FBRS: variants seen among roughly 807,000 people sequenced by gnomAD.
FBRS encodes fibrosin, also known as probable fibrosin-1.
Under a neutral mutation model 86.1 loss-of-function variants are expected in FBRS, and 15 were observed. The observed-to-expected ratio is 0.17, with a 90% CI of 0.12 to 0.27. The LOEUF is 0.27. Ranked by LOEUF, FBRS falls within the 10% of genes least tolerant of loss-of-function variation. The pLI, the probability that FBRS is intolerant of heterozygous loss-of-function variation, is 1.00. For synonymous variants in FBRS, 666 were observed against 575.8 expected, an observed-to-expected ratio of 1.16 and a Z score of -2.24; for missense variants, 1,367 against 1,301.6, an observed-to-expected ratio of 1.05 and a Z score of -0.77.
chr16:30,667,586 G>A lies in FBRS; in HGVS notation c.2038G>A (p.Ala680Thr), dbSNP rs2052538832. 3.9e-6 allele frequency: 6 copies of A among 1,542,042 alleles called. No individual in the cohort carries two copies. Among genetic ancestry groups the A allele is most frequent in the Non-Finnish European group, 4.4e-6 (5 of 1,142,494 alleles). ...CAACCCTTTCACGGCAGCTCCCGGGGCCCACGGACCCTTCCTGAGCCCCAG... is the reference window on the plus strand; with the variant it reads ...CAACCCTTTCACGGCAGCTCCCGGGACCCACGGACCCTTCCTGAGCCCCAG... ...AANPFTAAPG[A>T]HGPFLSPSTH... is the part of the protein sequence containing the mutation. The change falls in exon 15 of 18, where the codon GCC (alanine) becomes ACC (threonine). Residue 680 changes from alanine to threonine, a missense_variant. Physicochemically the swap from Ala to Thr is moderately conservative, Grantham distance 58. This residue lies in a region of FBRS where 659 missense variants were observed against 678.8 expected (regional missense o/e 0.97). Transcript: ENST00000356166.
chr16:30,660,692 A>G, intron 2 of FBRS: 1 of 570,544 alleles, frequency 1.8e-6, no homozygotes, highest in Non-Finnish European at 2.7e-6. Context: ...AAAGGAATAT[A>G]GTTGGGTCGT....
intron 6 of FBRS, among the ~76,000 whole-genome samples, chr16:30,663,510 C>T (rs1296226482): frequency 6.9e-6 from 1 of 145,908 alleles, no homozygotes; most frequent in Admixed American, 6.8e-5. Context: ...TAGGGGGAGG[C>T]TAAGTTAAAA....
At chr16:30,667,826 G>A in intron 15 of FBRS, 1 of 471,164 alleles carries the variant, frequency 2.1e-6, no homozygotes, top group South Asian at 4.6e-5. Context: ...TTCAGTCTCT[G>A]CCAGCTGGAG....
chr16:30,665,397 C>T lies in FBRS; in HGVS notation c.1700C>T (p.Pro567Leu). ...SFGSLQGAFQ[P>L]KSTNPELPPR... ...GGCTCCCTGCAGGGGGCCTTCCAGC[C>T]CAAGGTGAGCTCCCAATCCAGACAC... The change falls in exon 10 of 18, where the codon CCC (proline) becomes CTC (leucine). Residue 567 changes from proline (P) to leucine (L), a missense_variant. Pro to Leu is a moderately conservative substitution (Grantham distance 98). Around this residue, in one of 3 missense-constraint regions of FBRS, gnomAD observed 659 missense variants for 678.8 expected, o/e 0.97. Coordinates refer to ENST00000356166, the MANE Select transcript of FBRS (RefSeq NM_001105079.3). This position sits in a 1 kb window ranked among gnomAD's most constrained non-coding sequence, Gnocchi z 4.1. The T allele has an allele frequency of 3.8e-6, 6 of 1,567,766 alleles. No homozygotes were observed. The highest frequency in any genetic ancestry group is 5.2e-6 in the Non-Finnish European group (6 of 1,156,702).
At chr16:30,661,099 T>G (rs2052454625) in intron 2 of FBRS, 81 bp from the exon 3 acceptor site, 1 of 1,546,544 alleles carries the variant, frequency 6.5e-7, no homozygotes, top group African/African-American at 1.4e-5. Flanking sequence ...TGGAGGCCCA[T>G]GAGCGCCCTG....
chr16:30,669,249 C>G lies in FBRS; in HGVS notation c.2547C>G (p.Ala849=). Reference sequence around the variant, plus strand: ...CCGCCGCTGCCGCCGCCGCAGCAGCCACTGGGCCCCAGGGCCTTCACCTGC... The same window carrying G: ...CCGCCGCTGCCGCCGCCGCAGCAGCGACTGGGCCCCAGGGCCTTCACCTGC... ...AAAAAAAAAA[A]TGPQGLHLLF... The change falls in exon 18 of 18, where the codon GCC becomes GCG. Residue 849 remains alanine (A), a synonymous_variant. Coordinates refer to ENST00000356166, the MANE Select transcript of FBRS (RefSeq NM_001105079.3). The surrounding 1 kb of genome is among the most constrained non-coding windows in gnomAD (Gnocchi z 5.9). 1.3e-6 allele frequency: 2 copies of G among 1,556,204 alleles called. No homozygotes were observed. Among genetic ancestry groups the G allele is most frequent in the South Asian group, 2.3e-5 (2 of 85,878 alleles).
At chr16:30,668,665 T>TGGGGGGGGGGGGGGGG (rs768353447) in intron 16 of FBRS, 22 bp downstream of exon 16, 2 of 1,457,366 alleles carry the variant, frequency 1.4e-6, no homozygotes, top group African/African-American at 1.4e-5. Flanking sequence ...TGCGGTGGGG[T>TGGGGGGGGGGGGGGGG]GGGGGGGCTG....
At chr16:30,663,662 C>T (rs903323802) in intron 6 of FBRS, among the ~76,000 whole-genome samples, 5 of 152,214 alleles carry the variant, frequency 3.3e-5, no homozygotes, top group Non-Finnish European at 7.3e-5. Flanking sequence ...ACTTGGCCTA[C>T]AGCAGGTGCT....
intron 6 of FBRS, chr16:30,663,071 G>A (rs1029670142): frequency 2.1e-6 from 2 of 948,844 alleles, no homozygotes; most frequent in East Asian, 3.3e-5. Context: ...TTTCCCAGTT[G>A]TGTTTGCTGG....
chr16:30,663,316 T>C (rs1050662580), intron 6 of FBRS, among the ~76,000 whole-genome samples: 46 of 152,144 alleles, frequency 3.0e-4, no homozygotes, highest in African/African-American at 1.0e-3. Flanking sequence ...CTTAAAGCTG[T>C]TGTGAGGATT....
intron 13 of FBRS, 94 bp from the exon 14 acceptor site, chr16:30,667,226 C>T: frequency 8.9e-7 from 1 of 1,123,506 alleles, no homozygotes; most frequent in Non-Finnish European, 1.3e-6. Context: ...ATCTGGGTGC[C>T]AGCCAGCCTT....
rs544182720 is a variant in FBRS, at chr16:30,664,914, C to T, written c.1557C>T (p.Pro519=). 5.0e-6 allele frequency: 8 copies of T among 1,610,790 alleles called. No homozygotes were observed. The Admixed American group carries it at 8.4e-5, about 17-fold the overall frequency. The part of the protein sequence containing the change: ...YPPGLLPPHG[P]HMFEKYPGKM... ...CGGGCCTGCTGCCACCCCACGGCCCCCACATGGTGAGCTCCTCATTGGGCT... is the reference window on the plus strand; with the variant it reads ...CGGGCCTGCTGCCACCCCACGGCCCTCACATGGTGAGCTCCTCATTGGGCT... Residue 519 remains proline, a synonymous_variant, in exon 8 of 18, where the codon CCC becomes CCT. Coordinates refer to ENST00000356166, the MANE Select transcript of FBRS (RefSeq NM_001105079.3).
In FBRS at chr16:30,669,193, G is replaced by A; in HGVS notation, c.2491G>A (p.Ala831Thr). The change falls in exon 18 of 18, where the codon GCT becomes ACT. Residue 831 changes from alanine to threonine, a missense_variant. By Grantham distance (58) the Ala-to-Thr change is moderately conservative. Around this residue, in one of 3 missense-constraint regions of FBRS, gnomAD observed 659 missense variants for 678.8 expected, o/e 0.97. Transcript: ENST00000356166. The surrounding 1 kb of genome is among the most constrained non-coding windows in gnomAD (Gnocchi z 5.9). ...VRVKEERKEE[A>T]AAAAAAAAAA... ...GGTAAAGGAAGAGCGGAAGGAGGAG[G>A]CTGCCGCCGCCGCTGCCGCTGCTGC... 11 of 1,546,022 alleles carry A rather than the reference G, an allele frequency of 7.1e-6. No individual in the cohort carries two copies. Among genetic ancestry groups the A allele is most frequent in the Non-Finnish European group, 9.6e-6 (11 of 1,144,484 alleles).
intron 15 of FBRS, chr16:30,668,015 A>C (rs2052543055): frequency 4.4e-6 from 1 of 227,422 alleles, no homozygotes; most frequent in African/African-American, 2.3e-5. Flanking sequence ...TGGCTTGGAG[A>C]AAGGTGTTCC....
chr16:30,669,612 T>TA lies in FBRS; in HGVS notation c.2911dup (p.Arg971LysfsTer9). 1 of 1,597,126 alleles carries TA rather than the reference T, an allele frequency of 6.3e-7. No homozygotes were observed. The highest frequency in any genetic ancestry group is 8.6e-7 in the Non-Finnish European group (1 of 1,169,112). On this transcript the variant is annotated frameshift_variant, in exon 18 of 18. Transcript: ENST00000356166. LOFTEE classifies it high-confidence loss of function. The surrounding 1 kb of genome is among the most constrained non-coding windows in gnomAD (Gnocchi z 5.9). ...CCGCCCCCCGGCCCAGTTCCCCACC[T>TA]AGGGGCCCTGGCCCAGCTCGGGCTG...
chr16:30,664,678 C>T (rs1596616480), intron 7 of FBRS, 37 bp from the exon 8 acceptor site: 5 of 1,470,726 alleles, frequency 3.4e-6, no homozygotes, highest in Non-Finnish European at 4.5e-6. Flanking sequence ...GCTGATGTGG[C>T]GACAGCATTA....
In FBRS at chr16:30,669,592, C is replaced by G; in HGVS notation, c.2890C>G (p.Pro964Ala). The part of the protein sequence containing the change: ...LGAPPPLVPA[P>A]RPSSPPRGPG... ...GGCACCACCTCCGCTTGTGCCCGCC[C>G]CCCGGCCCAGTTCCCCACCTAGGGG... The change falls in exon 18 of 18, where the codon CCC (proline) becomes GCC (alanine). Residue 964 changes from proline (P) to alanine (A), a missense_variant. Around this residue, in one of 3 missense-constraint regions of FBRS, gnomAD observed 659 missense variants for 678.8 expected, o/e 0.97. Coordinates refer to ENST00000356166, the MANE Select transcript of FBRS (RefSeq NM_001105079.3). The surrounding 1 kb of genome is among the most constrained non-coding windows in gnomAD (Gnocchi z 5.9). 6.2e-7 allele frequency: 1 copy of G among 1,611,000 alleles called. No individual in the cohort carries two copies. Among genetic ancestry groups the G allele is most frequent in the Non-Finnish European group, 8.5e-7 (1 of 1,179,530 alleles).
intron 2 of FBRS, 156 bp downstream of exon 2, chr16:30,660,598 C>T (rs963992309): frequency 1.1e-5 from 13 of 1,197,324 alleles, no homozygotes; most frequent in African/African-American, 4.7e-5. Context: ...CCGGGTCTGA[C>T]GAAGGCCTGT....
Position 30,664,424 on chromosome 16 carries a change from C to T in FBRS, c.1265C>T (p.Ser422Phe). The T allele has an allele frequency of 7.0e-7, 1 of 1,421,914 alleles. No individual in the cohort carries two copies. Among genetic ancestry groups the T allele is most frequent in the Non-Finnish European group, 9.3e-7 (1 of 1,069,696 alleles). The allele number at this position is 1,421,914 out of a possible 1,614,324, so 88.1% of individuals were successfully genotyped here. ...CCCCCCCCACCACCCCACCACCCCT[C>T]CTTGTTCTCCCCTGGCCCCACCCTG... is the stretch of plus-strand genomic sequence containing the variant. Reference protein sequence around the residue: ...LRPPPPPHHPSLFSPGPTLPP... With the variant: ...LRPPPPPHHPFLFSPGPTLPP... Residue 422 changes from serine (S) to phenylalanine (F), a missense_variant, in exon 7 of 18, where the codon TCC becomes TTC. Transcript: ENST00000356166.
Sources: gnomAD v4.1 joint callset for allele counts (sites outside exome capture counted in the v4.1 genomes callset) on GRCh38, gnomAD v4.1.1 for gene constraint, gnomAD v4.1.1 regional missense constraint, Gnocchi (gnomAD v3.1) non-coding constraint, MANE v1.5 for transcripts, NCBI Gene and HGNC (gene_info 2026-07-23, HGNC 2026-07-21) for gene names.